Variants in XG observed in about 807,000 individuals in gnomAD.
XG encodes Xg glycoprotein (Xg blood group).
In XG, 24 loss-of-function variants were observed where a neutral mutation model predicts 25.7. The ratio of observed to expected loss-of-function variants is 0.93; its 90% CI spans 0.68 to 1.31. The LOEUF is 1.31. Among genes scored for constraint, XG ranks in the 40% most tolerant of loss-of-function variants. The pLI is 0.00. For missense variants in XG, 181 were observed against 187.6 expected, an observed-to-expected ratio of 0.96 and a Z score of 0.21; for synonymous variants, 77 against 69.2, an observed-to-expected ratio of 1.11 and a Z score of -0.56.
chrX:2,769,829 T>C (rs2050774285), intron 1 of XG, among the ~76,000 whole-genome samples: 1 of 152,204 alleles, frequency 6.6e-6, no homozygotes, highest in Non-Finnish European at 1.5e-5. Context: ...TTTGTCAGTG[T>C]AGGCTAGCTG....
chrX:2,777,598 T>C (rs1424113091), intron 3 of XG, among the ~76,000 whole-genome samples: 1 of 147,614 alleles, frequency 6.8e-6, no homozygotes, highest in African/African-American at 2.5e-5. Flanking sequence ...GTCTCAAAAA[T>C]AAAAAAAAAT....
chrX:2,755,000 G>A (rs1318505552), intron 1 of XG, among the ~76,000 whole-genome samples: 1 of 152,170 alleles, frequency 6.6e-6, no homozygotes, highest in Non-Finnish European at 1.5e-5. Flanking sequence ...GGGGGCAGCC[G>A]GCAGCGGAAT....
chrX:2,761,894 C>T (rs1248702614), intron 1 of XG, among the ~76,000 whole-genome samples: 5 of 152,154 alleles, frequency 3.3e-5, no homozygotes, highest in Admixed American at 3.3e-4. Context: ...TTAAGCTGCC[C>T]AGTCTTTGGG....
chrX:2,784,015 C>T (rs2086759868), intron 4 of XG, among the ~76,000 whole-genome samples: 1 of 111,239 alleles, frequency 9.0e-6, no homozygotes, highest in South Asian at 3.8e-4. Flanking sequence ...CAAAACAAAA[C>T]CCCAAAACAC....
At position 2,778,388 on chromosome X, in the gene XG, T is replaced by TA. The variant is rs774706484; in HGVS notation, c.127+3657dup. On this transcript the variant is annotated intron_variant, in intron 3 of 10. Coordinates refer to ENST00000644266, the MANE Select transcript of XG (RefSeq NM_001141919.2). ...TGAGACCCCATCTTTACAAAAAAATTAAAAAAAATTAGTGGACATGGTGGC... is the reference window on the plus strand; with the variant it reads ...TGAGACCCCATCTTTACAAAAAAATTAAAAAAAAATTAGTGGACATGGTGGC... 1.9e-4 allele frequency among the ~76,000 whole-genome samples: 29 copies of TA among 151,620 alleles called. No homozygotes were observed. In the East Asian group the frequency reaches 5.6e-3, roughly 29 times the overall value.
At chrX:2,780,601 G>A (rs2051098559) in intron 3 of XG, among the ~76,000 whole-genome samples, 1 of 151,680 alleles carries the variant, frequency 6.6e-6, no homozygotes, top group African/African-American at 2.4e-5. Flanking sequence ...GGTGGTGTGT[G>A]CCTGAGGCTG....
intron 5 of XG, 107 bp from the exon 6 acceptor site, chrX:2,794,428 C>T (rs991558915): frequency 8.5e-5 from 75 of 880,403 alleles, no homozygotes; most frequent in Admixed American, 5.2e-4. Flanking sequence ...CAGTTGGCGT[C>T]GGAACGCTCT....
At chrX:2,805,055 G>C (rs890463965) in intron 7 of XG, among the ~76,000 whole-genome samples, 2 of 112,441 alleles carry the variant, frequency 1.8e-5, no homozygotes, top group African/African-American at 6.4e-5. Context: ...ATTAGCATCA[G>C]CATGGAGGTG....
intron 7 of XG, among the ~76,000 whole-genome samples, chrX:2,804,452 C>T (rs897839701): frequency 4.5e-5 from 5 of 111,490 alleles, no homozygotes; most frequent in South Asian, 3.8e-4. Flanking sequence ...TGGGCTCAAG[C>T]GATCCTCCTA....
intron 5 of XG, among the ~76,000 whole-genome samples, chrX:2,791,937 C>T (rs1434798552): frequency 9.0e-6 from 1 of 110,898 alleles, no homozygotes; most frequent in Non-Finnish European, 1.9e-5. Context: ...TCATAGCATT[C>T]GTCCACCAAG....
chrX:2,758,330 G>A (rs920123908), intron 1 of XG, among the ~76,000 whole-genome samples: 11 of 152,268 alleles, frequency 7.2e-5, no homozygotes, highest in African/African-American at 2.2e-4. Context: ...ACCCACTGAG[G>A]TCTTTATTCA....
At chrX:2,762,326 A>G (rs1400499011) in intron 1 of XG, among the ~76,000 whole-genome samples, 11 of 152,178 alleles carry the variant, frequency 7.2e-5, no homozygotes, top group Non-Finnish European at 1.6e-4. Flanking sequence ...TTCAATCTGC[A>G]ACTGCATAAT....
chrX:2,777,775 T>A (rs2051032539), intron 3 of XG, among the ~76,000 whole-genome samples: 2 of 152,120 alleles, frequency 1.3e-5, no homozygotes, highest in African/African-American at 2.4e-5. Context: ...ATTTAAAATG[T>A]TTCGGCTGGG....
intron 1 of XG, among the ~76,000 whole-genome samples, 175 bp from the exon 2 acceptor site, chrX:2,770,372 GCTC>G (rs2050790714): frequency 6.6e-6 from 1 of 152,108 alleles, no homozygotes; most frequent in African/African-American, 2.4e-5. Flanking sequence ...TGATGAGTAT[GCTC>G]TGGGACTAGG....
chrX:2,764,945 G>A (rs1443822678), intron 1 of XG, among the ~76,000 whole-genome samples: 1 of 146,720 alleles, frequency 6.8e-6, no homozygotes, highest in Non-Finnish European at 1.5e-5. Flanking sequence ...GGAGACTGAG[G>A]CACTAGAAGC....
chrX:2,766,400 A>C (rs1262786884), intron 1 of XG, among the ~76,000 whole-genome samples: 1 of 151,480 alleles, frequency 6.6e-6, no homozygotes, highest in Non-Finnish European at 1.5e-5. Context: ...CGGCCTCCCA[A>C]AGTGCTGGGA....
rs756902043 is a variant in XG, at chrX:2,797,356, G to T, written c.369G>T (p.Thr123=). 3 of 1,209,598 alleles carry T rather than the reference G, an allele frequency of 2.5e-6. No individual in the cohort carries two copies. Among genetic ancestry groups the T allele is most frequent in the Non-Finnish European group, 3.4e-6 (3 of 894,474 alleles). ...GYSSYGNSDN[T]HGRGGYRLNS... ...CCAGTTATGGCAACTCCGACAACAC[G>T]CACGGTACCCCTACATCTGGGCATG... The change falls in exon 7 of 11, where the codon ACG becomes ACT. Residue 123 remains threonine, a synonymous_variant. Coordinates refer to ENST00000644266, the MANE Select transcript of XG (RefSeq NM_001141919.2).
chrX:2,797,406 G>A (rs1242054082), intron 7 of XG, 46 bp downstream of exon 7: 1 of 1,181,571 alleles, frequency 8.5e-7, no homozygotes. Flanking sequence ...GGGTGGGAGG[G>A]GTCATCTTTC....
chrX:2,767,101 G>T (rs2050716540), intron 1 of XG, among the ~76,000 whole-genome samples: 1 of 151,984 alleles, frequency 6.6e-6, no homozygotes, highest in Admixed American at 6.6e-5. Flanking sequence ...TGGCGGTATT[G>T]TTTCGTAAGC....
Sources: gnomAD v4.1 joint callset for allele counts (sites outside exome capture counted in the v4.1 genomes callset) on GRCh38, gnomAD v4.1.1 for gene constraint, MANE v1.5 for transcripts, NCBI Gene and HGNC (gene_info 2026-07-23, HGNC 2026-07-21) for gene names.